The following ADHFE1 variants were observed in gnomAD, a reference collection of about 807,000 sequenced individuals.
ADHFE1 encodes alcohol dehydrogenase iron containing 1.
In ADHFE1, 37 loss-of-function variants were observed where a neutral mutation model predicts 54.8. The observed-to-expected ratio is 0.68, with a 90% CI of 0.52 to 0.89. ADHFE1 has a LOEUF of 0.89. Ranked by LOEUF, ADHFE1 falls within the 40% of genes least tolerant of loss-of-function variation. ADHFE1 has a pLI of 0.00. For missense variants in ADHFE1, 601 were observed against 591.2 expected (o/e 1.02, Z -0.17); for synonymous variants, 203 against 229.3 (o/e 0.89, Z 1.04).
chr8:66,447,789 A>T (rs538021703), intron 7 of ADHFE1, among the ~76,000 whole-genome samples: 1 of 152,242 alleles, frequency 6.6e-6, no homozygotes, highest in East Asian at 1.9e-4. Context: ...CTGAAAGCAT[A>T]TTGAAATGCC....
At chr8:66,451,860 G>A (rs1016357009) in intron 8 of ADHFE1, 93 bp from the exon 9 acceptor site, 2 of 1,485,062 alleles carry the variant, frequency 1.3e-6, no homozygotes, top group African/African-American at 1.4e-5. Context: ...TGTGGGTTGA[G>A]TGCCAAACAG....
rs143622753 is a variant in ADHFE1, at chr8:66,438,360, T to C, written c.60-1802T>C. 7.1e-4 allele frequency among the ~76,000 whole-genome samples: 108 copies of C among 152,048 alleles called. 1 individual carries two copies. The highest frequency in any genetic ancestry group is 2.5e-3 in the African/African-American group (105 of 41,470). Reference sequence around the variant, plus strand: ...AGGGAGGAGGAAGGGTCAGAATGGCTGAAGGCAGCCCAGGACAGAAATGAA... The same window carrying C: ...AGGGAGGAGGAAGGGTCAGAATGGCCGAAGGCAGCCCAGGACAGAAATGAA... On this transcript the variant is annotated intron_variant, in intron 1 of 13. Transcript: ENST00000396623.
intron 13 of ADHFE1, among the ~76,000 whole-genome samples, chr8:66,465,512 T>C (rs1372199969): frequency 2.0e-5 from 3 of 152,216 alleles, no homozygotes; most frequent in Non-Finnish European, 4.4e-5. Flanking sequence ...TATGTATATA[T>C]ATATATTCTT....
At position 66,460,598 on chromosome 8, in the gene ADHFE1, G is replaced by A; in HGVS notation, c.1320+133G>A. The A allele has an allele frequency of 2.8e-6, 3 of 1,083,506 alleles. 1 individual carries two copies. In the South Asian group the frequency reaches 5.0e-5, roughly 18 times the overall value. 67.1% of individuals were successfully genotyped at this position (1,083,506 alleles called of 1,614,324 possible). ...TGGTTCTCGGGTCTCCTCCACAGCA[G>A]ACAGCAGTTCTGTCCTTTCCTGGTG... is the stretch of plus-strand genomic sequence containing the variant. On this transcript the variant is annotated intron_variant, in intron 13 of 13. Transcript: ENST00000396623.
At position 66,445,352 on chromosome 8, in the gene ADHFE1, A is replaced by T; in HGVS notation, c.488A>T (p.Tyr163Phe). The change falls in exon 6 of 14, where the codon TAT becomes TTT. Residue 163 changes from tyrosine to phenylalanine, a missense_variant. Transcript: ENST00000396623. ...AGCCCTCATTCTGATTTCCTAGATT[A>T]TGTCAGTGCCCCCATTGGCAAGGGA... is the stretch of plus-strand genomic sequence containing the variant. ...ASSPHSDFLD[Y>F]VSAPIGKGKP... 1 of 1,613,936 alleles carries T rather than the reference A, an allele frequency of 6.2e-7. No individual in the cohort carries two copies. Among genetic ancestry groups the T allele is most frequent in the Non-Finnish European group, 8.5e-7 (1 of 1,179,980 alleles).
chr8:66,445,142 C>G, intron 5 of ADHFE1, 76 bp from the exon 6 acceptor site: 4 of 1,393,708 alleles, frequency 2.9e-6, no homozygotes, highest in Non-Finnish European at 3.8e-6. Flanking sequence ...AAAACTTACC[C>G]CAAGCCTTAG....
chr8:66,452,341 G>A (rs1806343664), intron 9 of ADHFE1, among the ~76,000 whole-genome samples: 1 of 152,194 alleles, frequency 6.6e-6, no homozygotes, highest in Non-Finnish European at 1.5e-5. Flanking sequence ...CAAACTAGGA[G>A]CCAAGCTAGG....
chr8:66,468,507 C>T lies in ADHFE1; in HGVS notation c.*155C>T. ...TTATCTTGCAGGAAATTCCCCAAAG[C>T]TCAGAGTCCAGTTCCTTCCATAAAA... On this transcript the variant is annotated 3_prime_UTR_variant, in exon 14 of 14. Transcript: ENST00000396623. 2 of 523,980 alleles carry T rather than the reference C, an allele frequency of 3.8e-6. No homozygotes were observed. Among genetic ancestry groups the T allele is most frequent in the Non-Finnish European group, 6.4e-6 (2 of 313,786 alleles). 32.5% of individuals were successfully genotyped at this position (523,980 alleles called of 1,614,324 possible). A position where few individuals can be genotyped will look rare whatever the true frequency, so the allele number is the denominator to read the frequency against.
chr8:66,448,086 C>A lies in ADHFE1; in HGVS notation c.628+745C>A, dbSNP rs75310501. Among the ~76,000 whole-genome samples, 1,295 of 152,292 alleles carry A rather than the reference C, an allele frequency of 8.5e-3. 17 individuals carry two copies. The highest frequency in any genetic ancestry group is 0.03 in the African/African-American group (1,232 of 41,544). On this transcript the variant is annotated intron_variant, in intron 7 of 13. Coordinates refer to ENST00000396623, the MANE Select transcript of ADHFE1 (RefSeq NM_144650.3). ...TCCCTCCAGTCCTTTTCCCAGGTAA[C>A]CTCTGTTCTGCTTTCTGTCTTCTTA...
intron 9 of ADHFE1, chr8:66,453,790 C>T (rs1284326437): frequency 7.0e-6 from 10 of 1,423,572 alleles, no homozygotes; most frequent in Non-Finnish European, 9.4e-6. Flanking sequence ...CATCCAGGGA[C>T]CAGCGCGTTG....
At chr8:66,463,246 A>G (rs1806996184) in intron 13 of ADHFE1, among the ~76,000 whole-genome samples, 1 of 152,244 alleles carries the variant, frequency 6.6e-6, no homozygotes, top group South Asian at 2.1e-4. Flanking sequence ...TGAATGCCTC[A>G]GTGCACATGC....
chr8:66,451,937 C>G lies in ADHFE1; in HGVS notation c.735-16C>G, dbSNP rs1474925117. The stretch of plus-strand genomic sequence containing the variant: ...ATGACGCTTTCCATCTGTGTACTTT[C>G]AATATTTCTTTTTAGCCATGCCCTG... On this transcript the variant is annotated splice_polypyrimidine_tract_variant and intron_variant, in intron 8 of 13. Transcript: ENST00000396623. The G allele has an allele frequency of 6.2e-7, 1 of 1,612,736 alleles. No homozygotes were observed.
intron 1 of ADHFE1, among the ~76,000 whole-genome samples, chr8:66,436,792 G>A (rs1306982779): frequency 6.6e-6 from 1 of 152,184 alleles, no homozygotes; most frequent in Non-Finnish European, 1.5e-5. Flanking sequence ...CCCCTGAGCC[G>A]TCCAGGGTCA....
intron 9 of ADHFE1, 110 bp downstream of exon 9, chr8:66,452,215 A>G: frequency 1.4e-6 from 2 of 1,417,778 alleles, no homozygotes; most frequent in Non-Finnish European, 1.9e-6. Context: ...TGTTCCAGAA[A>G]AGCAGTCAGT....
intron 6 of ADHFE1, among the ~76,000 whole-genome samples, chr8:66,445,821 A>G (rs1424323191): frequency 4.6e-5 from 7 of 152,222 alleles, no homozygotes; most frequent in Admixed American, 6.5e-5. Context: ...TTTCTTCTAC[A>G]TAATGGCTCT....
At chr8:66,451,429 C>T (rs112348719) in intron 8 of ADHFE1, among the ~76,000 whole-genome samples, 5,103 of 152,290 alleles carry the variant, frequency 0.034, 133 homozygotes, top group Middle Eastern at 0.054. Flanking sequence ...GGTAGTGCCT[C>T]ACACCAGGTC....
At chr8:66,461,965 T>TA (rs149125765) in intron 13 of ADHFE1, among the ~76,000 whole-genome samples, 6 of 152,008 alleles carry the variant, frequency 3.9e-5, no homozygotes, top group African/African-American at 7.2e-5. Context: ...ACCAAATCAC[T>TA]AAAAAAATCA....
chr8:66,460,419 A>G lies in ADHFE1; in HGVS notation c.1274A>G (p.Tyr425Cys). The G allele has an allele frequency of 6.2e-7, 1 of 1,611,314 alleles. No individual in the cohort carries two copies. Among genetic ancestry groups the G allele is most frequent in the South Asian group, 1.1e-5 (1 of 90,922 alleles). ...DVDDGLAAVG[Y>C]SKADIPALVK... ...GATGATGGCCTAGCAGCTGTTGGTT[A>G]CTCCAAAGCTGATATCCCCGCACTA... Residue 425 changes from tyrosine to cysteine, a missense_variant, in exon 13 of 14, where the codon TAC becomes TGC. Coordinates refer to ENST00000396623, the MANE Select transcript of ADHFE1 (RefSeq NM_144650.3).
intron 12 of ADHFE1, among the ~76,000 whole-genome samples, chr8:66,459,092 G>C (rs1806747836): frequency 6.6e-6 from 1 of 152,084 alleles, no homozygotes; most frequent in South Asian, 2.1e-4. Context: ...GCTAAAAACC[G>C]ATTTAATAAT....
Sources: gnomAD v4.1 joint callset for allele counts (sites outside exome capture counted in the v4.1 genomes callset) on GRCh38, gnomAD v4.1.1 for gene constraint, MANE v1.5 for transcripts, NCBI Gene and HGNC (gene_info 2026-07-23, HGNC 2026-07-21) for gene names.